NUFIP2: variants seen among roughly 807,000 people sequenced by gnomAD.
The protein encoded by NUFIP2 is nuclear FMR1 interacting protein 2.
Under a neutral mutation model 56.9 loss-of-function variants are expected in NUFIP2, and 6 were observed. The observed-to-expected ratio is 0.11, with a 90% CI of 0.06 to 0.21. The LOEUF is 0.21. Ranked by LOEUF, NUFIP2 falls within the 10% of genes least tolerant of loss-of-function variation. The pLI is 1.00. For missense variants in NUFIP2, 828 were observed against 826.8 expected (o/e 1.00, Z -0.02); for synonymous variants, 321 against 298.2 (o/e 1.08, Z -0.79).
At chr17:29,292,576 C>T (rs2069222014) in intron 1 of NUFIP2, among the ~76,000 whole-genome samples, 1 of 151,312 alleles carries the variant, frequency 6.6e-6, no homozygotes, top group East Asian at 2.0e-4. Context: ...GCCTCAGGCA[C>T]CGCCTCTACC....
intron 2 of NUFIP2, among the ~76,000 whole-genome samples, chr17:29,268,211 T>C (rs2069050552): frequency 6.6e-6 from 1 of 152,212 alleles, no homozygotes. Context: ...CTGGCTCTTA[T>C]AATTCTTAAG....
In NUFIP2 at chr17:29,258,456, C is replaced by T. The variant is rs1327720630; in HGVS notation, c.*6083G>A. 1 of 152,106 alleles carries T rather than the reference C, an allele frequency of 6.6e-6. No homozygotes were observed. Among genetic ancestry groups the T allele is most frequent in the Non-Finnish European group, 1.5e-5 (1 of 68,022 alleles). The allele number at this position is 152,106 out of a possible 1,614,324, so 9.4% of individuals were successfully genotyped here. A position where few individuals can be genotyped will look rare whatever the true frequency, so the allele number is the denominator to read the frequency against. ...TCTATATACAAACAAAAAATAAGTC[C>T]CCAGCTTACATAGACAAATGTTTTC... is the stretch of plus-strand genomic sequence containing the variant. On this transcript the variant is annotated 3_prime_UTR_variant, in exon 4 of 4. Coordinates refer to ENST00000225388, the MANE Select transcript of NUFIP2 (RefSeq NM_020772.3).
In NUFIP2 at chr17:29,262,402, A is replaced by T. The variant is rs951947659; in HGVS notation, c.*2137T>A. On this transcript the variant is annotated 3_prime_UTR_variant, in exon 4 of 4. Coordinates refer to ENST00000225388, the MANE Select transcript of NUFIP2 (RefSeq NM_020772.3). ...TTTAACTTTTTGAAAATTTTTATTT[A>T]AAAAAACACAAAAACACAGACTTTT... is the stretch of plus-strand genomic sequence containing the variant. 2 of 116,520 alleles carry T rather than the reference A, an allele frequency of 1.7e-5. No homozygotes were observed. Among genetic ancestry groups the T allele is most frequent in the East Asian group, 7.9e-4 (2 of 2,540 alleles). The allele number at this position is 116,520 out of a possible 1,614,324, so 7.2% of individuals were successfully genotyped here. A position where few individuals can be genotyped will look rare whatever the true frequency, so the allele number is the denominator to read the frequency against.
intron 2 of NUFIP2, among the ~76,000 whole-genome samples, chr17:29,274,708 G>C (rs1262679061): frequency 6.6e-6 from 1 of 152,086 alleles, no homozygotes; most frequent in Non-Finnish European, 1.5e-5. Flanking sequence ...TAGGTGAAGG[G>C]AAGCCACTGA....
rs2068978300 is a variant in NUFIP2 at position 29,257,609 on chromosome 17, C to T, written c.*6930G>A. 6.6e-6 allele frequency: 1 copy of T among 151,782 alleles called. No individual in the cohort carries two copies. Among genetic ancestry groups the T allele is most frequent in the African/African-American group, 2.4e-5 (1 of 41,318 alleles). 9.4% of individuals were successfully genotyped at this position (151,782 alleles called of 1,614,324 possible). ...TATTTAAAATTTTCTAAGCAAGGTG[C>T]TTTTAACAAAATTTTTAAAGTTGGA... is the stretch of plus-strand genomic sequence containing the variant. On this transcript the variant is annotated 3_prime_UTR_variant, in exon 4 of 4. Coordinates refer to ENST00000225388, the MANE Select transcript of NUFIP2 (RefSeq NM_020772.3).
At chr17:29,273,687 A>C (rs1382578074) in intron 2 of NUFIP2, among the ~76,000 whole-genome samples, 1 of 152,198 alleles carries the variant, frequency 6.6e-6, no homozygotes, top group Non-Finnish European at 1.5e-5. Flanking sequence ...AATTAGACCT[A>C]ATAGAACCTA....
chr17:29,281,904 A>G (rs2069142413), intron 2 of NUFIP2, among the ~76,000 whole-genome samples: 3 of 151,564 alleles, frequency 2.0e-5, no homozygotes, highest in Admixed American at 2.0e-4. Flanking sequence ...AGCTGGGACT[A>G]CAGGTGCCTG....
chr17:29,258,669 T>C lies in NUFIP2; in HGVS notation c.*5870A>G, dbSNP rs1276648575. On this transcript the variant is annotated 3_prime_UTR_variant, in exon 4 of 4. Transcript: ENST00000225388. ...TCTTATATTCCTAAGTTATTGTCCT[T>C]CATAGGACAATATCAGCTAAGAATT... 3.3e-5 allele frequency: 5 copies of C among 152,196 alleles called. No homozygotes were observed. The highest frequency in any genetic ancestry group is 2.6e-4 in the Admixed American group (4 of 15,280). 9.4% of individuals were successfully genotyped at this position (152,196 alleles called of 1,614,324 possible).
intron 2 of NUFIP2, among the ~76,000 whole-genome samples, chr17:29,282,598 T>A (rs552225866): frequency 6.6e-6 from 1 of 151,252 alleles, no homozygotes; most frequent in African/African-American, 2.4e-5. Context: ...TTTCTTTATA[T>A]AAGTTAAATA....
Position 29,286,212 on chromosome 17 carries a change from T to C in NUFIP2, c.1782A>G (p.Glu594=). 6.2e-7 allele frequency: 1 copy of C among 1,614,000 alleles called. No individual in the cohort carries two copies. The highest frequency in any genetic ancestry group is 1.6e-4 in the Middle Eastern group (1 of 6,062). ...TTSESGALSL[E]PSHIGDLQKA... ...TCTGCAGGTCACCTATATGACTGGG[T>C]TCCAAGGATAAGGCTCCACTCTCAC... Residue 594 remains glutamate (E), a synonymous_variant, in exon 2 of 4, where the codon GAA becomes GAG. Coordinates refer to ENST00000225388, the MANE Select transcript of NUFIP2 (RefSeq NM_020772.3).
intron 2 of NUFIP2, among the ~76,000 whole-genome samples, chr17:29,281,563 A>G (rs1234894810): frequency 6.6e-6 from 1 of 151,826 alleles, no homozygotes; most frequent in Non-Finnish European, 1.5e-5. Flanking sequence ...ATGGTGGCAT[A>G]CACCTGTAGT....
chr17:29,270,209 T>C (rs1326252674), intron 2 of NUFIP2, among the ~76,000 whole-genome samples: 3 of 151,894 alleles, frequency 2.0e-5, no homozygotes, highest in Non-Finnish European at 4.4e-5. Flanking sequence ...CCAAGCTTAG[T>C]TGTATGGTAT....
intron 1 of NUFIP2, among the ~76,000 whole-genome samples, chr17:29,289,644 T>G (rs1309090418): frequency 6.6e-6 from 1 of 152,082 alleles, no homozygotes; most frequent in Non-Finnish European, 1.5e-5. Flanking sequence ...CCACACACAT[T>G]TAAGGCAGCA....
In NUFIP2 at chr17:29,286,879, T is replaced by G; in HGVS notation, c.1115A>C (p.Asn372Thr). 1 of 1,613,938 alleles carries G rather than the reference T, an allele frequency of 6.2e-7. No individual in the cohort carries two copies. The highest frequency in any genetic ancestry group is 1.1e-5 in the South Asian group (1 of 91,070). ...AGATGAAGTTGGTGACACAGAAGAG[T>G]TCTGTATAGTTTTGTTGAGGTTTTC... Reference protein sequence around the residue: ...VKENLNKTIQNSSVSPTSSSS... With the variant: ...VKENLNKTIQTSSVSPTSSSS... The change falls in exon 2 of 4, where the codon AAC becomes ACC. Residue 372 changes from asparagine to threonine, a missense_variant. Around this residue, in one of 3 missense-constraint regions of NUFIP2, gnomAD observed 404 missense variants for 380.3 expected, o/e 1.06. Coordinates refer to ENST00000225388, the MANE Select transcript of NUFIP2 (RefSeq NM_020772.3).
intron 2 of NUFIP2, among the ~76,000 whole-genome samples, chr17:29,282,664 C>T (rs2069147629): frequency 6.6e-6 from 1 of 151,932 alleles, no homozygotes; most frequent in South Asian, 2.1e-4. Context: ...CCACTATTTC[C>T]AAATTAAGTT....
chr17:29,276,297 C>T (rs920686349), intron 2 of NUFIP2, among the ~76,000 whole-genome samples: 7 of 152,064 alleles, frequency 4.6e-5, no homozygotes, highest in African/African-American at 1.7e-4. Context: ...TCTTACTCTC[C>T]AGGCACAATA....
intron 2 of NUFIP2, among the ~76,000 whole-genome samples, chr17:29,272,036 G>A (rs1365527073): frequency 3.2e-5 from 4 of 125,216 alleles, no homozygotes; most frequent in Non-Finnish European, 6.5e-5. Context: ...TCACGCCACT[G>A]CACTCCAGCT....
rs572581228 is a variant in NUFIP2, at chr17:29,277,587, G to A, written c.2002+8405C>T. 7.2e-5 allele frequency among the ~76,000 whole-genome samples: 11 copies of A among 152,192 alleles called. No individual in the cohort carries two copies. In the East Asian group the frequency reaches 1.7e-3, roughly 24 times the overall value. ...ATTTTTTGGATGATTACAGGTTATT[G>A]TACCATGTTTTGCTATTCTGATTTC... On this transcript the variant is annotated intron_variant, in intron 2 of 3. Transcript: ENST00000225388.
chr17:29,278,333 A>G (rs1246936793), intron 2 of NUFIP2, among the ~76,000 whole-genome samples: 4 of 150,232 alleles, frequency 2.7e-5, no homozygotes, highest in African/African-American at 4.9e-5. Flanking sequence ...TGCAAGCTCC[A>G]CCTCCCGGGT....
Sources: allele counts gnomAD v4.1 joint callset (sites outside exome capture counted in the v4.1 genomes callset), GRCh38; gene constraint gnomAD v4.1.1; regional missense constraint gnomAD v4.1.1; transcripts MANE v1.5; gene names NCBI Gene and HGNC (gene_info 2026-07-23, HGNC 2026-07-21).